POU1F1: variants seen among roughly 807,000 people sequenced by gnomAD.
The protein encoded by POU1F1 is POU class 1 homeobox 1, also known as pituitary-specific positive transcription factor 1.
In POU1F1, 23 loss-of-function variants were observed where a neutral mutation model predicts 32.3. The observed-to-expected ratio is 0.71, with a 90% CI of 0.51 to 1.01. The LOEUF (loss-of-function observed/expected upper bound fraction) is 1.01. POU1F1 is among the 50% of genes least tolerant of loss of function. The pLI, the probability that POU1F1 is intolerant of heterozygous loss-of-function variation, is 0.00. For synonymous variants in POU1F1, 120 were observed against 115.6 expected (o/e 1.04, Z -0.25); for missense variants, 323 against 341.6 (o/e 0.95, Z 0.43).
intron 2 of POU1F1, among the ~76,000 whole-genome samples, chr3:87,269,557 T>A (rs767014307): frequency 6.6e-5 from 10 of 151,742 alleles, no homozygotes; most frequent in Non-Finnish European, 1.3e-4. Context: ...GAAAAAAAAA[T>A]TTCAAATTTC....
chr3:87,260,212 A>G, intron 5 of POU1F1, 108 bp from the exon 6 acceptor site: 1 of 825,624 alleles, frequency 1.2e-6, no homozygotes. Flanking sequence ...ATGAAAAGGA[A>G]ACTTAAAAAC....
rs548458979 is a variant in POU1F1 at position 87,272,859 on chromosome 3, G to A, written c.214+488C>T. ...CAGAAGAAATATAATGATGAGGGGGGGTGTTCTGTAAACCTGTGCTGTCTG... is the reference window on the plus strand; with the variant it reads ...CAGAAGAAATATAATGATGAGGGGGAGTGTTCTGTAAACCTGTGCTGTCTG... On this transcript the variant is annotated intron_variant, in intron 2 of 5. Transcript: ENST00000350375. Among the ~76,000 whole-genome samples the A allele has an allele frequency of 2.6e-5, 4 of 152,208 alleles. No homozygotes were observed. The East Asian group carries it at 5.8e-4, about 22-fold the overall frequency.
intron 2 of POU1F1, 28 bp downstream of exon 2, chr3:87,273,319 A>T (rs745918881): frequency 1.3e-6 from 2 of 1,597,566 alleles, no homozygotes; most frequent in Admixed American, 1.7e-5. Flanking sequence ...CCCAAATTCA[A>T]TAACATGTAA....
intron 2 of POU1F1, among the ~76,000 whole-genome samples, chr3:87,272,761 G>T (rs909301251): frequency 1.3e-5 from 2 of 152,122 alleles, no homozygotes; most frequent in Non-Finnish European, 2.9e-5. Context: ...GCCTGAAACA[G>T]CTATCACTAA....
chr3:87,259,897 T>C lies in POU1F1; in HGVS notation c.873A>G (p.Arg291=), dbSNP rs144708108. 62 of 1,612,306 alleles carry C rather than the reference T, an allele frequency of 3.8e-5. No individual in the cohort carries two copies. Among genetic ancestry groups the C allele is most frequent in the Non-Finnish European group, 5.1e-5 (60 of 1,178,506 alleles). ...FSISKEHLEC[R] is the part of the protein sequence containing the mutation. The stretch of plus-strand genomic sequence containing the variant: ...GCTATTATACAATAGAAAAATCTTA[T>C]CTGCACTCAAGATGTTCCTTAGAAA... Residue 291 remains arginine (R), a synonymous_variant, in exon 6 of 6, where the codon AGA becomes AGG. Coordinates refer to ENST00000350375, the MANE Select transcript of POU1F1 (RefSeq NM_000306.4).
At chr3:87,263,863 A>G (rs1706559142) in intron 3 of POU1F1, among the ~76,000 whole-genome samples, 1 of 151,954 alleles carries the variant, frequency 6.6e-6, no homozygotes, top group African/African-American at 2.4e-5. Flanking sequence ...ATATATTTCC[A>G]TATATATTTA....
rs1289773332 is a variant in POU1F1 at position 87,261,273 on chromosome 3, C to T, written c.665G>A (p.Ser222Asn). Reference protein sequence around the residue: ...ERKRKRRTTISIAAKDALERH... With the variant: ...ERKRKRRTTINIAAKDALERH... ...TAGTAACTTTTAATATAAAGAATAC[C>T]TTATAGTTGTTCTTCGTTTTCTTTT... Residue 222 changes from serine to asparagine, a missense_variant and splice_region_variant, in exon 5 of 6, where the codon AGC becomes AAC. By Grantham distance (46) the Ser-to-Asn change is conservative. Coordinates refer to ENST00000350375, the MANE Select transcript of POU1F1 (RefSeq NM_000306.4). 1.3e-6 allele frequency: 2 copies of T among 1,566,958 alleles called. No individual in the cohort carries two copies. Among genetic ancestry groups the T allele is most frequent in the East Asian group, 2.3e-5 (1 of 43,754 alleles).
In POU1F1 at chr3:87,261,333, G is replaced by A; in HGVS notation, c.605C>T (p.Ala202Val). The A allele has an allele frequency of 6.3e-7, 1 of 1,586,936 alleles. No individual in the cohort carries two copies. The highest frequency in any genetic ancestry group is 8.6e-7 in the Non-Finnish European group (1 of 1,160,344). Residue 202 changes from alanine (A) to valine (V), a missense_variant and splice_region_variant, in exon 5 of 6, where the codon GCT becomes GTT. Coordinates refer to ENST00000350375, the MANE Select transcript of POU1F1 (RefSeq NM_000306.4). ...KWLEEAEQVG[A>V]LYNEKVGANE... ...TGCTCCCACTTTTTCATTGTACAAA[G>A]CTATAATGTGGAAAAGAGAGATAAT...
chr3:87,266,290 T>A (rs1462106266), intron 2 of POU1F1, among the ~76,000 whole-genome samples: 2 of 146,952 alleles, frequency 1.4e-5, no homozygotes, highest in Admixed American at 1.4e-4. Context: ...AAATTTTATA[T>A]AAATTTAATT....
chr3:87,260,902 T>G (rs1387564161), intron 5 of POU1F1, among the ~76,000 whole-genome samples: 1 of 148,120 alleles, frequency 6.8e-6, no homozygotes, highest in Non-Finnish European at 1.5e-5. Flanking sequence ...ATTTATTTAT[T>G]TATTTATTTA....
chr3:87,267,425 G>C (rs148192309), intron 2 of POU1F1, among the ~76,000 whole-genome samples: 1 of 151,974 alleles, frequency 6.6e-6, no homozygotes, highest in African/African-American at 2.4e-5. Context: ...ATCATTGCCC[G>C]GTTCATTCTC....
intron 5 of POU1F1, 90 bp from the exon 6 acceptor site, chr3:87,260,194 A>C: frequency 1.0e-6 from 1 of 980,216 alleles, no homozygotes; most frequent in East Asian, 2.6e-5. Context: ...AATTTCCTCA[A>C]TATTAACATG....
chr3:87,262,903 A>G (rs780514172), intron 3 of POU1F1, among the ~76,000 whole-genome samples: 1 of 152,138 alleles, frequency 6.6e-6, no homozygotes, highest in Non-Finnish European at 1.5e-5. Context: ...TCACAGTAAT[A>G]TAGATAGAAA....
intron 2 of POU1F1, among the ~76,000 whole-genome samples, chr3:87,267,120 C>T (rs917581083): frequency 6.6e-6 from 1 of 152,064 alleles, no homozygotes; most frequent in Admixed American, 6.6e-5. Context: ...ACTAAAAGGT[C>T]TAAATTTGTT....
chr3:87,261,204 C>T, intron 5 of POU1F1, 69 bp downstream of exon 5: 1 of 1,148,068 alleles, frequency 8.7e-7, no homozygotes, highest in Non-Finnish European at 1.3e-6. Context: ...ACCTGCATTA[C>T]ACTCAAATGC....
At position 87,264,336 on chromosome 3, in the gene POU1F1, C is replaced by T. The variant is rs1316739446; in HGVS notation, c.391G>A (p.Glu131Lys). 5 of 1,613,872 alleles carry T rather than the reference C, an allele frequency of 3.1e-6. No homozygotes were observed. Among genetic ancestry groups the T allele is most frequent in the Non-Finnish European group, 4.2e-6 (5 of 1,179,872 alleles). ...PIDMDSPEIR[E>K]LEKFANEFKV... is the part of the protein sequence containing the mutation. ...AATTCATTGGCAAACTTTTCAAGTT[C>T]TCTGATTTCTGGAGAATCCATGTCT... The change falls in exon 3 of 6, where the codon GAA becomes AAA. Residue 131 changes from glutamate to lysine, a missense_variant. Coordinates refer to ENST00000350375, the MANE Select transcript of POU1F1 (RefSeq NM_000306.4).
chr3:87,270,033 C>CT (rs888456943), intron 2 of POU1F1, among the ~76,000 whole-genome samples: 13 of 151,364 alleles, frequency 8.6e-5, no homozygotes, highest in South Asian at 2.1e-4. Context: ...GTTTTGAGAA[C>CT]TTTTTTTTTG....
intron 5 of POU1F1, among the ~76,000 whole-genome samples, chr3:87,260,872 T>TTTA (rs1316791624): frequency 0.015 from 139 of 9,508 alleles, 1 homozygote; most frequent in Middle Eastern, 0.036. Flanking sequence ...ATTATTTTTT[T>TTTA]TTTATTTATT....
chr3:87,276,214 A>T, intron 1 of POU1F1, 107 bp downstream of exon 1: 1 of 1,373,266 alleles, frequency 7.3e-7, no homozygotes, highest in Non-Finnish European at 1.0e-6. Flanking sequence ...ATTAAATTGG[A>T]GGGGTAAAAT....
Sources: allele counts gnomAD v4.1 joint callset (sites outside exome capture counted in the v4.1 genomes callset), GRCh38; gene constraint gnomAD v4.1.1; transcripts MANE v1.5; gene names NCBI Gene and HGNC (gene_info 2026-07-23, HGNC 2026-07-21).